Variants in TBCK observed in about 807,000 individuals in gnomAD.
TBCK encodes TBC domain-containing protein kinase-like protein.
A neutral mutation model predicts 113.4 loss-of-function variants in TBCK; 99 were observed. The observed-to-expected ratio is 0.87, with a 90% confidence interval of 0.74 to 1.03. The LOEUF (loss-of-function observed/expected upper bound fraction) is 1.03. Among genes scored for constraint, TBCK ranks in the 50% least tolerant of loss-of-function variants. The probability of loss-of-function intolerance (pLI) is 0.00; values close to 1 mark genes in which losing one functional copy is unlikely to be tolerated. For missense variants in TBCK, 1,045 were observed against 1,061.3 expected (o/e 0.98, Z 0.21); for synonymous variants, 369 against 370.8 (o/e 1.00, Z 0.05).
intron 25 of TBCK, among the ~76,000 whole-genome samples, chr4:106,089,475 T>A (rs1739935049): frequency 6.6e-6 from 1 of 152,162 alleles, no homozygotes; most frequent in Admixed American, 6.5e-5. Flanking sequence ...CCTCCTCACA[T>A]ATCAGAATAC....
intron 25 of TBCK, among the ~76,000 whole-genome samples, chr4:106,070,161 G>T (rs867333655): frequency 6.6e-6 from 1 of 152,152 alleles, no homozygotes; most frequent in South Asian, 2.1e-4. Flanking sequence ...GCCCTGGCCA[G>T]AACTTCCAAC....
chr4:106,063,659 A>G (rs1410248995), intron 25 of TBCK, among the ~76,000 whole-genome samples: 6 of 151,838 alleles, frequency 4.0e-5, no homozygotes, highest in Non-Finnish European at 8.8e-5. Flanking sequence ...CCCCAAATTC[A>G]TATGTTAAAA....
intron 19 of TBCK, among the ~76,000 whole-genome samples, chr4:106,223,208 C>T (rs1013219747): frequency 6.6e-6 from 1 of 152,128 alleles, no homozygotes; most frequent in Non-Finnish European, 1.5e-5. Flanking sequence ...TGCTTTTGCA[C>T]CAACCTAATA....
chr4:106,140,363 T>G (rs990521575), intron 23 of TBCK, among the ~76,000 whole-genome samples: 1 of 141,206 alleles, frequency 7.1e-6, no homozygotes, highest in Non-Finnish European at 1.6e-5. Flanking sequence ...ATTTTTCATA[T>G]AAATAAAATA....
chr4:106,270,558 GT>G (rs1224709018), intron 3 of TBCK, among the ~76,000 whole-genome samples: 9 of 152,178 alleles, frequency 5.9e-5, no homozygotes, highest in Non-Finnish European at 1.5e-5. Flanking sequence ...TCATTCCAAA[GT>G]TGTTTTTTAA....
intron 3 of TBCK, among the ~76,000 whole-genome samples, chr4:106,262,819 C>T (rs1462125959): frequency 6.6e-6 from 1 of 151,856 alleles, no homozygotes; most frequent in Non-Finnish European, 1.5e-5. Context: ...CAACCATCTC[C>T]CTAATTTTTT....
At chr4:106,107,638 T>G (rs1292395525) in intron 24 of TBCK, among the ~76,000 whole-genome samples, 5 of 152,182 alleles carry the variant, frequency 3.3e-5, no homozygotes, top group African/African-American at 1.2e-4. Context: ...AAGGCAGTGT[T>G]AAGAGGGAAA....
chr4:106,169,849 T>C (rs1322269565), intron 23 of TBCK, among the ~76,000 whole-genome samples: 1 of 152,070 alleles, frequency 6.6e-6, no homozygotes, highest in East Asian at 1.9e-4. Context: ...CATCAGGCAT[T>C]AGATTCTCAT....
chr4:106,095,380 T>C, intron 25 of TBCK, 102 bp downstream of exon 25: 1 of 1,111,868 alleles, frequency 9.0e-7, no homozygotes, highest in Non-Finnish European at 1.3e-6. Flanking sequence ...CTCATAGTAT[T>C]TGTGACCAAC....
At chr4:106,247,966 C>T (rs933967553) in intron 9 of TBCK, 1 of 244,032 alleles carries the variant, frequency 4.1e-6, no homozygotes, top group South Asian at 1.6e-4. Context: ...GGAATACCTA[C>T]ATTCCATAGT....
intron 3 of TBCK, among the ~76,000 whole-genome samples, chr4:106,289,059 G>C (rs1765406895): frequency 6.6e-6 from 1 of 152,156 alleles, no homozygotes; most frequent in South Asian, 2.1e-4. Context: ...AAACATTATG[G>C]ATAAAGAATT....
chr4:106,257,458 G>C (rs141792844), intron 5 of TBCK, among the ~76,000 whole-genome samples: 45 of 151,980 alleles, frequency 3.0e-4, no homozygotes, highest in African/African-American at 1.1e-3. Context: ...ATCATTGCTA[G>C]TACTTCTTAT....
intron 23 of TBCK, among the ~76,000 whole-genome samples, chr4:106,163,041 T>C (rs1435143634): frequency 6.6e-6 from 1 of 152,114 alleles, no homozygotes; most frequent in Non-Finnish European, 1.5e-5. Flanking sequence ...CTTGGACACT[T>C]TGCCACTTGG....
At chr4:106,180,368 T>C (rs1560773449) in intron 22 of TBCK, among the ~76,000 whole-genome samples, 1 of 151,954 alleles carries the variant, frequency 6.6e-6, no homozygotes, top group Non-Finnish European at 1.5e-5. Flanking sequence ...TGATTTTCTC[T>C]AGTAGTATGT....
intron 25 of TBCK, among the ~76,000 whole-genome samples, chr4:106,089,904 A>C (rs1033621989): frequency 4.6e-5 from 7 of 152,164 alleles, no homozygotes; most frequent in Admixed American, 2.0e-4. Flanking sequence ...GGAGTTGAGT[A>C]CCTATGGCTT....
intron 23 of TBCK, among the ~76,000 whole-genome samples, chr4:106,167,417 T>C (rs908382206): frequency 1.3e-5 from 2 of 151,280 alleles, no homozygotes; most frequent in African/African-American, 4.8e-5. Flanking sequence ...TTTGAATGTA[T>C]ATATTAGAAA....
chr4:106,147,786 A>T (rs1434223344), intron 23 of TBCK, among the ~76,000 whole-genome samples: 1 of 152,252 alleles, frequency 6.6e-6, no homozygotes, highest in Non-Finnish European at 1.5e-5. Flanking sequence ...AAAAAAGAAC[A>T]GGATAACAGC....
intron 24 of TBCK, among the ~76,000 whole-genome samples, chr4:106,099,273 GT>G (rs1404828791): frequency 6.6e-6 from 1 of 152,034 alleles, no homozygotes; most frequent in Non-Finnish European, 1.5e-5. Context: ...ACCAGCTCAT[GT>G]TTTTTTACAT....
intron 11 of TBCK, among the ~76,000 whole-genome samples, chr4:106,243,778 C>T (rs1411127188): frequency 6.6e-6 from 1 of 152,048 alleles, no homozygotes; most frequent in Non-Finnish European, 1.5e-5. Flanking sequence ...CCTCAACTTC[C>T]CTGGGCTCAG....
Sources: allele counts gnomAD v4.1 joint callset (sites outside exome capture counted in the v4.1 genomes callset), GRCh38; gene constraint gnomAD v4.1.1; transcripts MANE v1.5; gene names NCBI Gene and HGNC (gene_info 2026-07-23, HGNC 2026-07-21).